The following SLC34A2 variants were observed in gnomAD, a reference collection of about 807,000 sequenced individuals.
The protein encoded by SLC34A2 is solute carrier family 34 member 2.
SLC34A2 carries 41 observed loss-of-function variants against 50.8 expected under a neutral mutation model. The observed-to-expected ratio is 0.81, with a 90% CI of 0.63 to 1.05. SLC34A2 has a LOEUF of 1.05. SLC34A2 is among the 50% of genes least tolerant of loss of function. The pLI is 0.00. For synonymous variants in SLC34A2, 401 were observed against 364.2 expected (o/e 1.10, Z -1.15); for missense variants, 879 against 876.7 (o/e 1.00, Z -0.03).
At chr4:25,662,374 A>T in intron 1 of SLC34A2, 124 bp from the exon 2 acceptor site, 1 of 782,240 alleles carries the variant, frequency 1.3e-6, no homozygotes, top group Non-Finnish European at 2.2e-6. Context: ...CCTTCCTTTT[A>T]CTGCCGCCTC....
At position 25,676,417 on chromosome 4, in the gene SLC34A2, C is replaced by T. The variant is rs1577505943; in HGVS notation, c.1741C>T (p.Arg581Cys). Residue 581 changes from arginine to cysteine, a missense_variant, in exon 13 of 13, where the codon CGC (arginine) becomes TGC (cysteine). Transcript: ENST00000382051. Reference protein sequence around the residue: ...CLRLLQSRCPRVLPKKLQNWN... With the variant: ...CLRLLQSRCPCVLPKKLQNWN... ...CCGACTCCTGCAGTCTCGCTGCCCACGCGTCCTGCCGAAGAAACTCCAGAA... is the reference window on the plus strand; with the variant it reads ...CCGACTCCTGCAGTCTCGCTGCCCATGCGTCCTGCCGAAGAAACTCCAGAA... 1.9e-6 allele frequency: 3 copies of T among 1,613,884 alleles called. No individual in the cohort carries two copies. Among genetic ancestry groups the T allele is most frequent in the Admixed American group, 3.3e-5 (2 of 59,996 alleles).
At position 25,678,303 on chromosome 4, in the gene SLC34A2, A is replaced by AT. The variant is rs1335527193; in HGVS notation, c.*1559dup. The AT allele has an allele frequency of 6.5e-6, 1 of 153,948 alleles. No homozygotes were observed. The highest frequency in any genetic ancestry group is 1.4e-5 in the Non-Finnish European group (1 of 69,096). 9.5% of individuals were successfully genotyped at this position (153,948 alleles called of 1,614,324 possible). ...ATCTATAGTCACAGCCCTGTACAGC[A>AT]TTTTTCATAAGTTATATAGTAAATG... On this transcript the variant is annotated 3_prime_UTR_variant, in exon 13 of 13. Transcript: ENST00000382051.
chr4:25,674,385 T>C lies in SLC34A2; in HGVS notation c.1306T>C (p.Phe436Leu), dbSNP rs1714994679. ...CTTCATCGTACAGAGCAGCTCTGTG[T>C]TCACGTCGGCCTTGACCCCCCTGAT... ...MTFIVQSSSV[F>L]TSALTPLIGI... The change falls in exon 11 of 13, where the codon TTC becomes CTC. Residue 436 changes from phenylalanine (F) to leucine (L), a missense_variant. Transcript: ENST00000382051. 1.9e-6 allele frequency: 3 copies of C among 1,614,186 alleles called. No homozygotes were observed. The highest frequency in any genetic ancestry group is 2.5e-6 in the Non-Finnish European group (3 of 1,180,012).
In SLC34A2 at chr4:25,674,704, A is replaced by C; in HGVS notation, c.1458+75A>C. 1.9e-6 allele frequency: 3 copies of C among 1,590,648 alleles called. No homozygotes were observed. In the South Asian group the frequency reaches 3.4e-5, roughly 18 times the overall value. On this transcript the variant is annotated intron_variant, in intron 12 of 12. Coordinates refer to ENST00000382051, the MANE Select transcript of SLC34A2 (RefSeq NM_006424.3). The stretch of plus-strand genomic sequence containing the variant: ...TGGTCTTGCAAACTGGTCTCTAACA[A>C]GAGCCAGGCTTTTCTCTGTACTATC...
In SLC34A2 at chr4:25,677,047, G is replaced by C. The variant is rs1225103949; in HGVS notation, c.*298G>C. The stretch of plus-strand genomic sequence containing the variant: ...GATGTCTAATCCTGCGCCTAGCTGG[G>C]TTGGTCAGTAGAACCTATTTTCAGA... On this transcript the variant is annotated 3_prime_UTR_variant, in exon 13 of 13. Coordinates refer to ENST00000382051, the MANE Select transcript of SLC34A2 (RefSeq NM_006424.3). The C allele has an allele frequency of 4.6e-6, 2 of 430,462 alleles. No individual in the cohort carries two copies. Among genetic ancestry groups the C allele is most frequent in the Non-Finnish European group, 8.5e-6 (2 of 236,074 alleles). 26.7% of individuals were successfully genotyped at this position (430,462 alleles called of 1,614,324 possible).
intron 12 of SLC34A2, 30 bp downstream of exon 12, chr4:25,674,659 C>T (rs1355664627): frequency 1.2e-6 from 2 of 1,613,436 alleles, no homozygotes; most frequent in African/African-American, 1.3e-5. Flanking sequence ...GGACAGGGGC[C>T]CTGGGAGTGG....
chr4:25,658,511 C>T (rs942974535), intron 1 of SLC34A2, among the ~76,000 whole-genome samples: 10 of 152,184 alleles, frequency 6.6e-5, no homozygotes, highest in Admixed American at 5.9e-4. Flanking sequence ...CTGCCAGGTA[C>T]CCTACATTCC....
At position 25,676,178 on chromosome 4, in the gene SLC34A2, T is replaced by G. The variant is rs1321264988; in HGVS notation, c.1502T>G (p.Leu501Arg). 7 of 1,614,186 alleles carry G rather than the reference T, an allele frequency of 4.3e-6. No individual in the cohort carries two copies. The highest frequency in any genetic ancestry group is 5.9e-6 in the Non-Finnish European group (7 of 1,180,040). ...HFFFNISGIL[L>R]WYPIPFTRLP... ...TTCTTCAACATCTCCGGCATCTTGC[T>G]GTGGTACCCGATCCCGTTCACTCGC... Residue 501 changes from leucine (L) to arginine (R), a missense_variant, in exon 13 of 13, where the codon CTG (leucine) becomes CGG (arginine). Coordinates refer to ENST00000382051, the MANE Select transcript of SLC34A2 (RefSeq NM_006424.3).
In SLC34A2 at chr4:25,678,638, C is replaced by T. The variant is rs1715282973; in HGVS notation, c.*1889C>T. On this transcript the variant is annotated 3_prime_UTR_variant, in exon 13 of 13. Coordinates refer to ENST00000382051, the MANE Select transcript of SLC34A2 (RefSeq NM_006424.3). ...TCAAGCAATCCGCCCACCTCAGCCT[C>T]CCAAAGTGCTGAGATCACAGGCGTG... The T allele has an allele frequency of 8.8e-6, 3 of 341,458 alleles. No individual in the cohort carries two copies. In the South Asian group the frequency reaches 1.5e-4, roughly 17 times the overall value. 21.2% of individuals were successfully genotyped at this position (341,458 alleles called of 1,614,324 possible).
rs759208396 is a variant in SLC34A2, at chr4:25,677,399, A to C, written c.*650A>C. On this transcript the variant is annotated 3_prime_UTR_variant, in exon 13 of 13. Transcript: ENST00000382051. Reference sequence around the variant, plus strand: ...GTTCACTTGCAGTTTCCTTGTCCTCATGCTTCGGGGATGGGAGCCACGCCT... The same window carrying C: ...GTTCACTTGCAGTTTCCTTGTCCTCCTGCTTCGGGGATGGGAGCCACGCCT... The C allele has an allele frequency of 6.5e-6, 1 of 152,918 alleles. No individual in the cohort carries two copies. Among genetic ancestry groups the C allele is most frequent in the Non-Finnish European group, 1.5e-5 (1 of 68,560 alleles). 9.5% of individuals were successfully genotyped at this position (152,918 alleles called of 1,614,324 possible).
chr4:25,661,186 A>G (rs1714164459), intron 1 of SLC34A2, among the ~76,000 whole-genome samples: 2 of 152,174 alleles, frequency 1.3e-5, no homozygotes, highest in South Asian at 2.1e-4. Context: ...TAATTTCACT[A>G]TTAGTCTCAT....
chr4:25,667,237 C>T (rs986308638), intron 5 of SLC34A2: 1 of 153,336 alleles, frequency 6.5e-6, no homozygotes, highest in African/African-American at 2.4e-5. Flanking sequence ...CCTGGCTGGG[C>T]CTAGTGGCTC....
intron 9 of SLC34A2, among the ~76,000 whole-genome samples, chr4:25,672,310 T>C (rs1247138242): frequency 6.6e-6 from 1 of 152,118 alleles, no homozygotes; most frequent in Admixed American, 6.6e-5. Flanking sequence ...GACAACCCGA[T>C]TTGAAGGAAG....
At chr4:25,675,125 A>G (rs567077630) in intron 12 of SLC34A2, among the ~76,000 whole-genome samples, 1 of 151,966 alleles carries the variant, frequency 6.6e-6, no homozygotes, top group Non-Finnish European at 1.5e-5. Flanking sequence ...TCCACCTCCC[A>G]GGTTCAAGTG....
At position 25,661,874 on chromosome 4, in the gene SLC34A2, C is replaced by CT. The variant is rs796086178; in HGVS notation, c.-3-609dup. Among the ~76,000 whole-genome samples, 426 of 138,438 alleles carry CT rather than the reference C, an allele frequency of 3.1e-3. 1 individual carries two copies. Among genetic ancestry groups the CT allele is most frequent in the East Asian group, 0.015 (73 of 4,774 alleles). 90.8% of individuals were successfully genotyped at this position (138,438 alleles called of 152,430 possible). A position where few individuals can be genotyped will look rare whatever the true frequency, so the allele number is the denominator to read the frequency against. Reference sequence around the variant, plus strand: ...GAATGGGCTTGCACCCTGCCTTTTTCTTTTTTTTTTTTTTTGAGAAGGAGT... The same window carrying CT: ...GAATGGGCTTGCACCCTGCCTTTTTCTTTTTTTTTTTTTTTTGAGAAGGAGT... On this transcript the variant is annotated intron_variant, in intron 1 of 12. Transcript: ENST00000382051.
chr4:25,664,480 C>T, intron 4 of SLC34A2, 150 bp downstream of exon 4: 1 of 850,618 alleles, frequency 1.2e-6, no homozygotes, highest in South Asian at 1.7e-5. Flanking sequence ...GAAGTCTATG[C>T]TTTCCGTTAT....
At chr4:25,671,483 G>T (rs1577500515) in intron 8 of SLC34A2, 118 bp from the exon 9 acceptor site, 1 of 1,171,148 alleles carries the variant, frequency 8.5e-7, no homozygotes, top group Non-Finnish European at 1.3e-6. Flanking sequence ...TGTTCTGTTG[G>T]GGCCATACTG....
intron 1 of SLC34A2, among the ~76,000 whole-genome samples, chr4:25,657,374 G>T (rs1026233235): frequency 2.0e-5 from 3 of 152,084 alleles, no homozygotes; most frequent in Non-Finnish European, 2.9e-5. Flanking sequence ...TCTGGGGACC[G>T]CAGGGAGCAA....
At chr4:25,663,640 G>A (rs1714329238) in intron 3 of SLC34A2, among the ~76,000 whole-genome samples, 1 of 152,186 alleles carries the variant, frequency 6.6e-6, no homozygotes, top group South Asian at 2.1e-4. Context: ...GGGGAGGAGA[G>A]GTAGGAAGGA....
Sources: allele counts gnomAD v4.1 joint callset (sites outside exome capture counted in the v4.1 genomes callset), GRCh38; gene constraint gnomAD v4.1.1; transcripts MANE v1.5; gene names NCBI Gene and HGNC (gene_info 2026-07-23, HGNC 2026-07-21).